TAS2R1: variants seen among roughly 807,000 people sequenced by gnomAD.
The protein encoded by TAS2R1 is taste receptor type 2 member 1.
For synonymous variants in TAS2R1, 141 were observed against 134.2 expected (o/e 1.05, Z -0.35); for missense variants, 370 against 353.4 (o/e 1.05, Z -0.38).
chr5:9,729,269 T>C, the TAS2R1 span, among the ~76,000 whole-genome samples: 1 of 152,138 alleles, frequency 6.6e-6, no homozygotes, highest in African/African-American at 2.4e-5. Context: ...GCAGCCTCTA[T>C]GGGGGAGGAC....
At chr5:9,690,756 T>A (rs2126517486) in intron 1 of TAS2R1, among the ~76,000 whole-genome samples, 1 of 151,948 alleles carries the variant, frequency 6.6e-6, no homozygotes, top group African/African-American at 2.4e-5. Context: ...CCACACGAAA[T>A]AAGGGGCAAC....
the TAS2R1 span, among the ~76,000 whole-genome samples, chr5:9,895,819 C>A: frequency 6.6e-6 from 1 of 152,170 alleles, no homozygotes; most frequent in Non-Finnish European, 1.5e-5. Flanking sequence ...GCATCAGTTG[C>A]CCTAATAAGA....
At chr5:9,651,717 A>G (rs1292971396) in intron 2 of TAS2R1, among the ~76,000 whole-genome samples, 1 of 83,716 alleles carries the variant, frequency 1.2e-5, no homozygotes, top group Admixed American at 1.3e-4. Flanking sequence ...ATCCTTGGTG[A>G]GGGTATGAGA....
the TAS2R1 span, among the ~76,000 whole-genome samples, chr5:9,860,817 C>G: frequency 1.3e-5 from 2 of 152,138 alleles, no homozygotes; most frequent in South Asian, 4.1e-4. Context: ...ATGGCTGCAG[C>G]CTGCAGAAAG....
At chr5:9,765,853 C>T in the TAS2R1 span, among the ~76,000 whole-genome samples, 1 of 152,204 alleles carries the variant, frequency 6.6e-6, no homozygotes, top group East Asian at 1.9e-4. Context: ...TCATGTCCCA[C>T]AAGGACATAG....
intron 1 of TAS2R1, among the ~76,000 whole-genome samples, chr5:9,698,612 G>C (rs770003747): frequency 6.6e-6 from 1 of 152,060 alleles, no homozygotes; most frequent in Non-Finnish European, 1.5e-5. Context: ...AGAGGGGAAG[G>C]GAAATAGCCT....
chr5:9,788,796 G>C, the TAS2R1 span, among the ~76,000 whole-genome samples: 1 of 152,136 alleles, frequency 6.6e-6, no homozygotes, highest in Non-Finnish European at 1.5e-5. Context: ...GAGGTTGTAA[G>C]TGAAATATGA....
chr5:9,742,230 GT>G, the TAS2R1 span, among the ~76,000 whole-genome samples: 1 of 152,196 alleles, frequency 6.6e-6, no homozygotes, highest in Non-Finnish European at 1.5e-5. Flanking sequence ...CTCTCCGAGT[GT>G]TTTGCTAACA....
chr5:9,772,926 G>A, the TAS2R1 span, among the ~76,000 whole-genome samples: 1 of 151,956 alleles, frequency 6.6e-6, no homozygotes, highest in Non-Finnish European at 1.5e-5. Context: ...TAGGGCATTG[G>A]GTATTGTGTT....
chr5:9,761,993 G>A, the TAS2R1 span, among the ~76,000 whole-genome samples: 44 of 152,070 alleles, frequency 2.9e-4, no homozygotes, highest in African/African-American at 1.0e-3. Flanking sequence ...GGGTCATGGC[G>A]TCCCCACGAG....
the TAS2R1 span, among the ~76,000 whole-genome samples, chr5:9,895,980 T>C: frequency 0.94 from 143,137 of 152,120 alleles, 67,940 homozygotes; most frequent in East Asian, 1. Flanking sequence ...CTGGTGAAAA[T>C]AGTGGCCTCT....
chr5:9,808,094 C>T, the TAS2R1 span, among the ~76,000 whole-genome samples: 4 of 151,992 alleles, frequency 2.6e-5, no homozygotes, highest in Non-Finnish European at 5.9e-5. Flanking sequence ...GCCAAGATTG[C>T]CATGAAAGGA....
chr5:9,878,657 T>C, the TAS2R1 span, among the ~76,000 whole-genome samples: 11 of 152,202 alleles, frequency 7.2e-5, no homozygotes, highest in Non-Finnish European at 1.5e-4. Context: ...GCTCCAAACG[T>C]AGTAATCATG....
the TAS2R1 span, among the ~76,000 whole-genome samples, chr5:9,901,673 A>C: frequency 6.6e-6 from 1 of 152,108 alleles, no homozygotes; most frequent in Admixed American, 6.6e-5. Flanking sequence ...AAAGACAGAA[A>C]GTAAGGCACT....
the TAS2R1 span, among the ~76,000 whole-genome samples, chr5:9,722,163 GC>G: frequency 1.3e-5 from 2 of 152,172 alleles, no homozygotes; most frequent in Admixed American, 1.3e-4. Context: ...AGGACCTGAG[GC>G]CCTCAATCCA....
At chr5:9,710,395 G>A (rs1277557194) in intron 1 of TAS2R1, among the ~76,000 whole-genome samples, 1 of 152,222 alleles carries the variant, frequency 6.6e-6, no homozygotes. Context: ...ATAGTAGTGA[G>A]GACATGTCAT....
At chr5:9,659,467 T>C (rs1740483836) in exon 2 of TAS2R1, 1 of 151,896 alleles carries the variant, frequency 6.6e-6, no homozygotes, top group Non-Finnish European at 1.5e-5. Flanking sequence ...TCTGGAGCTG[T>C]TTTCCCACAC....
upstream of TAS2R1, among the ~76,000 whole-genome samples, chr5:9,717,260 T>C (rs189944383): frequency 4.5e-4 from 68 of 152,158 alleles, no homozygotes; most frequent in African/African-American, 1.6e-3. Context: ...TTGTGGGGGA[T>C]AATCAGATCT....
At chr5:9,887,737 G>T in the TAS2R1 span, among the ~76,000 whole-genome samples, 1 of 152,190 alleles carries the variant, frequency 6.6e-6, no homozygotes, top group Non-Finnish European at 1.5e-5. Context: ...AGCTCACAGG[G>T]AGAAACAGAC....
Sources: gnomAD v4.1 joint callset for allele counts (sites outside exome capture counted in the v4.1 genomes callset) on GRCh38, gnomAD v4.1.1 for gene constraint, MANE v1.5 for transcripts, NCBI Gene and HGNC (gene_info 2026-07-23, HGNC 2026-07-21) for gene names.